Variants in KAT2B observed in about 807,000 individuals in gnomAD.
KAT2B encodes lysine acetyltransferase 2B.
KAT2B carries 36 observed loss-of-function variants against 105.9 expected under a neutral mutation model. That is an observed-to-expected ratio of 0.34 (90% CI 0.26 to 0.45). The LOEUF is 0.45. Ranked by LOEUF, KAT2B falls within the 20% of genes least tolerant of loss-of-function variation. The pLI is 1.00. For missense variants in KAT2B, 820 were observed against 1,021.6 expected, an observed-to-expected ratio of 0.80 and a Z score of 2.69; for synonymous variants, 397 against 377.9, an observed-to-expected ratio of 1.05 and a Z score of -0.59.
intron 1 of KAT2B, among the ~76,000 whole-genome samples, chr3:20,041,207 C>T (rs1002814956): frequency 1.3e-5 from 2 of 152,010 alleles, no homozygotes; most frequent in South Asian, 2.1e-4. Context: ...TTCCTGTGTC[C>T]CACTGGGAGG....
intron 11 of KAT2B, among the ~76,000 whole-genome samples, chr3:20,133,439 T>C (rs1380669687): frequency 6.6e-6 from 1 of 152,170 alleles, no homozygotes; most frequent in Non-Finnish European, 1.5e-5. Context: ...TATTACCATA[T>C]TGGATAGCAT....
At chr3:20,089,692 G>A (rs147396246) in intron 2 of KAT2B, among the ~76,000 whole-genome samples, 1,583 of 152,204 alleles carry the variant, frequency 0.01, 15 homozygotes, top group Non-Finnish European at 0.017. Flanking sequence ...GAGCCACTGC[G>A]CCTGGCCTAC....
chr3:20,124,812 G>C (rs1323195876), intron 9 of KAT2B, among the ~76,000 whole-genome samples: 9 of 152,160 alleles, frequency 5.9e-5, no homozygotes, highest in Admixed American at 5.9e-4. Flanking sequence ...TGGTTACCTG[G>C]ATAGCCAGTT....
At chr3:20,062,268 TATATA>T (rs1391576625) in intron 1 of KAT2B, among the ~76,000 whole-genome samples, 13 of 64,452 alleles carry the variant, frequency 2.0e-4, no homozygotes, top group Non-Finnish European at 3.8e-4. Flanking sequence ...TGATATATAA[TATATA>T]ATATATAAAA....
intron 11 of KAT2B, among the ~76,000 whole-genome samples, chr3:20,130,621 C>T (rs952250929): frequency 6.6e-6 from 1 of 152,106 alleles, no homozygotes; most frequent in African/African-American, 2.4e-5. Flanking sequence ...TAAAGGGAAA[C>T]TGAAGGTATT....
intron 2 of KAT2B, among the ~76,000 whole-genome samples, chr3:20,082,226 G>A (rs1202915060): frequency 1.3e-5 from 2 of 151,848 alleles, no homozygotes; most frequent in Non-Finnish European, 2.9e-5. Context: ...GTAGAGATGG[G>A]GTTTCATCAT....
At chr3:20,136,045 G>C (rs1420952813) in intron 11 of KAT2B, among the ~76,000 whole-genome samples, 2 of 152,174 alleles carry the variant, frequency 1.3e-5, no homozygotes, top group Admixed American at 1.3e-4. Flanking sequence ...TATGGATTAG[G>C]GGGTTAGATA....
intron 17 of KAT2B, among the ~76,000 whole-genome samples, chr3:20,152,006 T>C (rs906748082): frequency 2.6e-5 from 4 of 152,274 alleles, no homozygotes; most frequent in African/African-American, 7.2e-5. Flanking sequence ...TCTGACTGAA[T>C]AGCTAACAGT....
At position 20,110,048 on chromosome 3, in the gene KAT2B, CAGG is replaced by C. The variant is rs973495945; in HGVS notation, c.852-1545_852-1543del. 2.8e-4 allele frequency among the ~76,000 whole-genome samples: 42 copies of C among 151,964 alleles called. 1 individual carries two copies. In the South Asian group the frequency reaches 8.7e-3, roughly 32 times the overall value. ...CAGAATAAGATTTAAAAAAAAAAGT[CAGG>C]AGCATGAATAAATTAATATTATTCC... is the stretch of plus-strand genomic sequence containing the variant. On this transcript the variant is annotated intron_variant, in intron 5 of 17. Coordinates refer to ENST00000263754, the MANE Select transcript of KAT2B (RefSeq NM_003884.5).
rs527847537 is a variant in KAT2B at position 20,097,464 on chromosome 3, A to G, written c.576+2056A>G. On this transcript the variant is annotated intron_variant, in intron 3 of 17. Coordinates refer to ENST00000263754, the MANE Select transcript of KAT2B (RefSeq NM_003884.5). ...AGTATTATTCTTGGGCAAATAAGTT[A>G]TAAATAATCTATTCCTTAGCTTCTG... is the stretch of plus-strand genomic sequence containing the variant. Among the ~76,000 whole-genome samples, 5 of 152,338 alleles carry G rather than the reference A, an allele frequency of 3.3e-5. No homozygotes were observed. In the East Asian group the frequency reaches 9.6e-4, roughly 29 times the overall value.
intron 1 of KAT2B, among the ~76,000 whole-genome samples, chr3:20,061,984 CATATAATATATAAAACATAT>C (rs1363609075): frequency 2.4e-5 from 1 of 42,476 alleles, no homozygotes; most frequent in East Asian, 9.0e-4. Flanking sequence ...ATATATAAAA[CATATAATATATAAAACATAT>C]AATATATATT....
chr3:20,110,349 T>G (rs1014651797), intron 5 of KAT2B, among the ~76,000 whole-genome samples: 1 of 151,930 alleles, frequency 6.6e-6, no homozygotes, highest in African/African-American at 2.4e-5. Context: ...CCTGGGAAAT[T>G]CACATCTTCA....
In KAT2B at chr3:20,101,352, T is replaced by G; in HGVS notation, c.735T>G (p.Val245=). ...HLPAKERQTI[V]ELAKMFLNRI... The stretch of plus-strand genomic sequence containing the variant: ...CAGCAAAAGAAAGGCAAACAATAGT[T>G]GAGTTGGCAAAAATGTTCCTAAACC... The change falls in exon 5 of 18, where the codon GTT becomes GTG. Residue 245 remains valine, a synonymous_variant. Transcript: ENST00000263754. The G allele has an allele frequency of 1.2e-6, 2 of 1,614,084 alleles. No homozygotes were observed. The highest frequency in any genetic ancestry group is 2.2e-5 in the South Asian group (2 of 91,080).
chr3:20,050,367 T>G (rs369624769), intron 1 of KAT2B, among the ~76,000 whole-genome samples: 1 of 152,216 alleles, frequency 6.6e-6, no homozygotes, highest in South Asian at 2.1e-4. Context: ...TACATGTGTA[T>G]ACATCTATGC....
intron 5 of KAT2B, 32 bp from the exon 6 acceptor site, chr3:20,111,564 A>T: frequency 6.4e-7 from 1 of 1,559,968 alleles, no homozygotes; most frequent in African/African-American, 1.4e-5. Flanking sequence ...GGTTTATGGG[A>T]TATTGATGGT....
chr3:20,132,999 C>T (rs1333703828), intron 11 of KAT2B, among the ~76,000 whole-genome samples: 2 of 152,226 alleles, frequency 1.3e-5, no homozygotes, highest in East Asian at 3.8e-4. Flanking sequence ...TTCACTCCAA[C>T]TGGCCAACCA....
In KAT2B at chr3:20,127,296, A is replaced by G. The variant is rs9848249; in HGVS notation, c.1623-127A>G. On this transcript the variant is annotated intron_variant, in intron 10 of 17. Coordinates refer to ENST00000263754, the MANE Select transcript of KAT2B (RefSeq NM_003884.5). ...GATGGTCTAGCGAGATAGGGGCTAC[A>G]TGAAGGAAGTTTCTATAGAAACTTA... The G allele has an allele frequency of 4.2e-3, 3,516 of 836,050 alleles. 100 individuals are homozygous for G. In the African/African-American group the frequency reaches 0.053, roughly 13 times the overall value. The allele number at this position is 836,050 out of a possible 1,614,324, so 51.8% of individuals were successfully genotyped here.
rs568581729 is a variant in KAT2B at position 20,084,590 on chromosome 3, T to A, written c.431-10673T>A. Reference sequence around the variant, plus strand: ...ATTATGGTAATAAATAAATAAATAATTAATAAATGCAAAAAAAAATCACAA... The same window carrying A: ...ATTATGGTAATAAATAAATAAATAAATAATAAATGCAAAAAAAAATCACAA... On this transcript the variant is annotated intron_variant, in intron 2 of 17. Transcript: ENST00000263754. 6.6e-5 allele frequency among the ~76,000 whole-genome samples: 10 copies of A among 152,186 alleles called. No individual in the cohort carries two copies. In the South Asian group the frequency reaches 1.5e-3, roughly 22 times the overall value.
chr3:20,138,990 C>A (rs1354511785), intron 12 of KAT2B, among the ~76,000 whole-genome samples: 3 of 152,120 alleles, frequency 2.0e-5, no homozygotes, highest in Non-Finnish European at 2.9e-5. Flanking sequence ...ACCTCCTGGG[C>A]TCAGGCGATC....
Sources: gnomAD v4.1 joint callset for allele counts (sites outside exome capture counted in the v4.1 genomes callset) on GRCh38, gnomAD v4.1.1 for gene constraint, MANE v1.5 for transcripts, NCBI Gene and HGNC (gene_info 2026-07-23, HGNC 2026-07-21) for gene names.